HDAC4: variants seen among roughly 807,000 people sequenced by gnomAD.
The protein encoded by HDAC4 is histone deacetylase 4.
HDAC4 carries 16 observed loss-of-function variants against 135.1 expected under a neutral mutation model. The observed-to-expected ratio is 0.12, with a 90% CI of 0.08 to 0.18. HDAC4 has a LOEUF of 0.18. Among genes scored for constraint, HDAC4 ranks in the 10% least tolerant of loss-of-function variants. HDAC4 has a pLI of 1.00. For missense variants in HDAC4, 1,143 were observed against 1,511.8 expected (o/e 0.76, Z 4.05); for synonymous variants, 685 against 653.4 (o/e 1.05, Z -0.74).
At chr2:239,287,688 C>G (rs1299077901) in intron 2 of HDAC4, among the ~76,000 whole-genome samples, 1 of 152,122 alleles carries the variant, frequency 6.6e-6, no homozygotes, top group Non-Finnish European at 1.5e-5. Flanking sequence ...ACACAGAAAG[C>G]TGACTTACAA....
chr2:239,303,042 A>AC lies in HDAC4; in HGVS notation c.22+49635dup, dbSNP rs934159316. ...CCCCTGCCACCTCGGGAGTCCTCAA[A>AC]CCCCCCCCGGGTGGGAGAGGTCATC... On this transcript the variant is annotated intron_variant, in intron 2 of 26. Coordinates refer to ENST00000543185, the MANE Select transcript of HDAC4 (RefSeq NM_001378414.1). The surrounding 1 kb of genome is among the most constrained non-coding windows in gnomAD (Gnocchi z 5.1). 3.7e-4 allele frequency among the ~76,000 whole-genome samples: 56 copies of AC among 151,036 alleles called. No individual in the cohort carries two copies. Among genetic ancestry groups the AC allele is most frequent in the East Asian group, 1.6e-3 (8 of 5,112 alleles).
intron 3 of HDAC4, among the ~76,000 whole-genome samples, chr2:239,233,073 C>A (rs1418576551): frequency 6.6e-6 from 1 of 152,202 alleles, no homozygotes; most frequent in African/African-American, 2.4e-5. Context: ...AAATAGGAGG[C>A]AAAGATGGAA....
chr2:239,382,156 G>A (rs1174629448), intron 1 of HDAC4, among the ~76,000 whole-genome samples: 2 of 152,246 alleles, frequency 1.3e-5, no homozygotes, highest in African/African-American at 4.8e-5. Context: ...AGTTAGTCAG[G>A]ACCTGCACCC....
intron 3 of HDAC4, among the ~76,000 whole-genome samples, chr2:239,221,896 C>T (rs577147224): frequency 2.6e-5 from 4 of 152,292 alleles, no homozygotes; most frequent in African/African-American, 9.6e-5. Flanking sequence ...CTTTCCTTAA[C>T]AGGTCACTTA....
intron 24 of HDAC4, among the ~76,000 whole-genome samples, chr2:239,062,418 G>A (rs939069806): frequency 6.6e-6 from 1 of 152,250 alleles, no homozygotes; most frequent in Non-Finnish European, 1.5e-5. Flanking sequence ...CCGGGCAGAG[G>A]GGCGGGGCCC....
intron 2 of HDAC4, among the ~76,000 whole-genome samples, chr2:239,321,464 C>CAA (rs10530231): frequency 2.1e-4 from 12 of 56,300 alleles, no homozygotes; most frequent in African/African-American, 2.9e-4. Context: ...GACTCCGTCT[C>CAA]AAAAAAAAAA....
At chr2:239,162,756 G>A (rs774625702) in intron 6 of HDAC4, among the ~76,000 whole-genome samples, 30 of 152,328 alleles carry the variant, frequency 2.0e-4, no homozygotes, top group Admixed American at 5.2e-4. Context: ...CTGCCAGAGT[G>A]GAGGACGTGG....
chr2:239,300,289 A>C (rs1426277246), intron 2 of HDAC4, among the ~76,000 whole-genome samples: 1 of 152,226 alleles, frequency 6.6e-6, no homozygotes, highest in African/African-American at 2.4e-5. Context: ...CTCTCAGTCT[A>C]GAGCCTTCCT....
At chr2:239,054,377 G>A (rs145867332) in intron 25 of HDAC4, among the ~76,000 whole-genome samples, 3 of 152,112 alleles carry the variant, frequency 2.0e-5, no homozygotes, top group Admixed American at 2.0e-4. Flanking sequence ...AGGTCAGGAC[G>A]TGGGCTTCTC....
At chr2:239,174,907 A>G (rs2043660832) in intron 5 of HDAC4, among the ~76,000 whole-genome samples, 1 of 152,244 alleles carries the variant, frequency 6.6e-6, no homozygotes, top group Non-Finnish European at 1.5e-5. Flanking sequence ...TAAGGGTTCC[A>G]TTTACATACA....
chr2:239,052,834 G>C lies in HDAC4; in HGVS notation c.*263C>G. 1 of 531,582 alleles carries C rather than the reference G, an allele frequency of 1.9e-6. No homozygotes were observed. The highest frequency in any genetic ancestry group is 3.4e-6 in the Non-Finnish European group (1 of 295,704). The allele number at this position is 531,582 out of a possible 1,614,324, so 32.9% of individuals were successfully genotyped here. ...TTGCGGGACCCGCCAGAGTGTGCTT[G>C]GCTTCCGCGTGTCCGTGTGTCTGCG... is the stretch of plus-strand genomic sequence containing the variant. On this transcript the variant is annotated 3_prime_UTR_variant, in exon 27 of 27. Transcript: ENST00000543185.
chr2:239,275,220 C>T (rs970395787), intron 2 of HDAC4, among the ~76,000 whole-genome samples: 3 of 152,252 alleles, frequency 2.0e-5, no homozygotes, highest in South Asian at 2.1e-4. Flanking sequence ...CACCAGGCCG[C>T]GCAGGCTGGC....
At chr2:239,189,714 T>C (rs1295708944) in intron 4 of HDAC4, 119 bp downstream of exon 4, 1 of 951,108 alleles carries the variant, frequency 1.1e-6, no homozygotes, top group East Asian at 2.6e-5. Flanking sequence ...GAAGGCCTCC[T>C]GCAGGAACCC....
At chr2:239,224,719 G>A (rs1177890566) in intron 3 of HDAC4, among the ~76,000 whole-genome samples, 4 of 152,158 alleles carry the variant, frequency 2.6e-5, no homozygotes, top group African/African-American at 7.2e-5. Flanking sequence ...TATGCCAAGG[G>A]CAGGGGATGG....
chr2:239,195,442 C>T (rs1367364493), intron 3 of HDAC4, among the ~76,000 whole-genome samples: 4 of 152,184 alleles, frequency 2.6e-5, no homozygotes, highest in African/African-American at 4.8e-5. Flanking sequence ...ATCCTGGGAG[C>T]CGGGTGGGTG....
intron 1 of HDAC4, among the ~76,000 whole-genome samples, chr2:239,363,266 CCAG>C (rs1480774944): frequency 6.6e-5 from 10 of 152,140 alleles, no homozygotes; most frequent in African/African-American, 2.4e-4. Context: ...AATCAAAATC[CCAG>C]CAGAATTTTT....
intron 17 of HDAC4, among the ~76,000 whole-genome samples, chr2:239,090,650 G>GAAA (rs201534156): frequency 2.1e-5 from 3 of 145,504 alleles, no homozygotes. Context: ...CTCCAAAAAG[G>GAAA]AAAAAAAAAA....
Position 239,372,886 on chromosome 2 carries a change from A to C in HDAC4, c.-219-19968T>G, listed in dbSNP as rs551727342. ...CACCAGGTGGTCACTGCCTCCAAAAATGAAATTGTATCCTACAGACTTCTC... is the reference window on the plus strand; with the variant it reads ...CACCAGGTGGTCACTGCCTCCAAAACTGAAATTGTATCCTACAGACTTCTC... On this transcript the variant is annotated intron_variant, in intron 1 of 26. Transcript: ENST00000543185. 3.3e-5 allele frequency among the ~76,000 whole-genome samples: 5 copies of C among 152,182 alleles called. No homozygotes were observed. The East Asian group carries it at 7.7e-4, about 24-fold the overall frequency.
At position 239,052,964 on chromosome 2, in the gene HDAC4, T is replaced by C. The variant is rs1398788814; in HGVS notation, c.*133A>G. On this transcript the variant is annotated 3_prime_UTR_variant, in exon 27 of 27. Transcript: ENST00000543185. ...GGGCGGCAGAAAGGCTTCCCGTGGC[T>C]GTTGCACGCTGGGTGTCCCTGGGTG... The C allele has an allele frequency of 9.6e-7, 1 of 1,041,876 alleles. No individual in the cohort carries two copies. Among genetic ancestry groups the C allele is most frequent in the Non-Finnish European group, 1.5e-6 (1 of 662,186 alleles). The allele number at this position is 1,041,876 out of a possible 1,614,324, so 64.5% of individuals were successfully genotyped here.
Sources: allele counts gnomAD v4.1 joint callset (sites outside exome capture counted in the v4.1 genomes callset), GRCh38; gene constraint gnomAD v4.1.1; non-coding constraint Gnocchi (gnomAD v3.1); transcripts MANE v1.5; gene names NCBI Gene and HGNC (gene_info 2026-07-23, HGNC 2026-07-21).